Variants in PIK3C2G observed in about 807,000 individuals in gnomAD.
The protein encoded by PIK3C2G is phosphatidylinositol 3-kinase C2 domain-containing subunit gamma.
Under a neutral mutation model 181.1 loss-of-function variants are expected in PIK3C2G, and 168 were observed. The observed-to-expected ratio is 0.93, with a 90% CI of 0.82 to 1.05. The LOEUF is 1.05. Among genes scored for constraint, PIK3C2G ranks in the 50% least tolerant of loss-of-function variants. The pLI, the probability that PIK3C2G is intolerant of heterozygous loss-of-function variation, is 0.00. For missense variants in PIK3C2G, 1,869 were observed against 1,732.8 expected, an observed-to-expected ratio of 1.08 and a Z score of -1.40; for synonymous variants, 573 against 592.2, an observed-to-expected ratio of 0.97 and a Z score of 0.47.
rs767256050 is a variant in PIK3C2G, at chr12:18,291,022, C to T, written c.919+10C>T. 5 of 1,566,656 alleles carry T rather than the reference C, an allele frequency of 3.2e-6. No individual in the cohort carries two copies. Among genetic ancestry groups the T allele is most frequent in the South Asian group, 2.2e-5 (2 of 88,910 alleles). On this transcript the variant is annotated intron_variant, in intron 4 of 32. Transcript: ENST00000538779. ...CATTTTATGCCATGTGGTAAGCAAC[C>T]TTGCAAATAAGTCTACAAATCTATA...
At chr12:18,694,948 T>C in the PIK3C2G span, 2 of 1,603,866 alleles carry the variant, frequency 1.2e-6, no homozygotes, top group Non-Finnish European at 1.7e-6. Context: ...TCTTTTATGT[T>C]ACTTGGGTTA....
intron 24 of PIK3C2G, among the ~76,000 whole-genome samples, chr12:18,533,755 T>C (rs1943684388): frequency 6.6e-6 from 1 of 152,044 alleles, no homozygotes; most frequent in Admixed American, 6.6e-5. Flanking sequence ...TTAGATTCAA[T>C]TCACCTAACA....
chr12:18,565,960 A>G (rs961161989), intron 28 of PIK3C2G, among the ~76,000 whole-genome samples: 5 of 152,210 alleles, frequency 3.3e-5, no homozygotes, highest in Middle Eastern at 3.2e-3. Flanking sequence ...CTACCTATCT[A>G]TCTATCTTCT....
At chr12:18,717,225 A>AT in the PIK3C2G span, among the ~76,000 whole-genome samples, 5 of 152,190 alleles carry the variant, frequency 3.3e-5, no homozygotes, top group African/African-American at 1.2e-4. Context: ...TAATATTTAT[A>AT]TTTTCTCTCT....
At chr12:18,549,690 G>C (rs188493108) in intron 26 of PIK3C2G, among the ~76,000 whole-genome samples, 1 of 151,998 alleles carries the variant, frequency 6.6e-6, no homozygotes, top group African/African-American at 2.4e-5. Flanking sequence ...ATATTCTCCA[G>C]CCTTTCTCAG....
At chr12:18,558,330 T>C (rs1352945003) in intron 26 of PIK3C2G, among the ~76,000 whole-genome samples, 1 of 152,182 alleles carries the variant, frequency 6.6e-6, no homozygotes, top group Admixed American at 6.6e-5. Context: ...CATTTAAAAA[T>C]ATGATTTAAT....
chr12:18,380,164 G>C (rs887663047), intron 13 of PIK3C2G, among the ~76,000 whole-genome samples: 5 of 152,112 alleles, frequency 3.3e-5, no homozygotes, highest in African/African-American at 1.2e-4. Context: ...CAAAGCAGAG[G>C]AGAGGCAAAC....
intron 16 of PIK3C2G, among the ~76,000 whole-genome samples, chr12:18,418,794 A>G (rs1053427726): frequency 1.3e-5 from 2 of 152,148 alleles, no homozygotes; most frequent in Non-Finnish European, 2.9e-5. Flanking sequence ...GCCTGCCCTC[A>G]ATGATGTATA....
chr12:18,656,265 C>A, the PIK3C2G span, among the ~76,000 whole-genome samples: 5 of 151,918 alleles, frequency 3.3e-5, no homozygotes, highest in African/African-American at 1.2e-4. Flanking sequence ...CCTGTCTATA[C>A]CAAAAAAGCA....
Position 18,282,053 on chromosome 12 carries a change from T to A in PIK3C2G, c.-29T>A. The A allele has an allele frequency of 1.5e-6, 2 of 1,340,688 alleles. No homozygotes were observed. Among genetic ancestry groups the A allele is most frequent in the East Asian group, 2.4e-5 (1 of 41,012 alleles). The allele number at this position is 1,340,688 out of a possible 1,614,324, so 83.0% of individuals were successfully genotyped here. On this transcript the variant is annotated 5_prime_UTR_variant, in exon 2 of 33. Coordinates refer to ENST00000538779, the MANE Select transcript of PIK3C2G (RefSeq NM_001288772.2). The stretch of plus-strand genomic sequence containing the variant: ...TATCAAGGAGATATTTGGAGCAGAG[T>A]CAACCCTCTCAGTTACATAAAATAA...
intron 26 of PIK3C2G, among the ~76,000 whole-genome samples, chr12:18,546,808 C>T (rs1944454468): frequency 6.6e-6 from 1 of 151,934 alleles, no homozygotes; most frequent in African/African-American, 2.4e-5. Flanking sequence ...CTATGTAAGA[C>T]AATACAAATA....
intron 16 of PIK3C2G, among the ~76,000 whole-genome samples, chr12:18,413,022 AC>A (rs1944959872): frequency 6.6e-6 from 1 of 152,122 alleles, no homozygotes; most frequent in African/African-American, 2.4e-5. Context: ...CTTTAATTAT[AC>A]CTTTTCCACC....
chr12:18,708,570 T>C, the PIK3C2G span, among the ~76,000 whole-genome samples: 25 of 152,182 alleles, frequency 1.6e-4, no homozygotes, highest in Admixed American at 4.6e-4. Context: ...TTTTTATTTC[T>C]TTAGAAACCT....
the PIK3C2G span, chr12:18,683,559 G>A: frequency 2.0e-6 from 3 of 1,485,418 alleles, no homozygotes; most frequent in Non-Finnish European, 2.7e-6. Context: ...CTTCCGCAAA[G>A]CGCTGCATGA....
intron 11 of PIK3C2G, among the ~76,000 whole-genome samples, chr12:18,361,420 G>A (rs1025515726): frequency 6.6e-6 from 1 of 151,284 alleles, no homozygotes; most frequent in East Asian, 1.9e-4. Flanking sequence ...TGTTTCTTTA[G>A]CTAGGTCATG....
At chr12:18,671,967 T>C in the PIK3C2G span, among the ~76,000 whole-genome samples, 1 of 152,146 alleles carries the variant, frequency 6.6e-6, no homozygotes, top group Non-Finnish European at 1.5e-5. Flanking sequence ...AGGGCTCTTT[T>C]ATCAGGACAC....
the PIK3C2G span, among the ~76,000 whole-genome samples, chr12:18,692,494 T>G: frequency 1.3e-5 from 2 of 152,160 alleles, no homozygotes; most frequent in East Asian, 3.9e-4. Context: ...CTTAGACAAC[T>G]GCTTTTATGC....
intron 6 of PIK3C2G, among the ~76,000 whole-genome samples, chr12:18,315,891 A>G (rs1445805365): frequency 1.4e-5 from 2 of 140,192 alleles, no homozygotes; most frequent in East Asian, 4.1e-4. Flanking sequence ...TCATGCATCC[A>G]CGTGTGTGTG....
intron 18 of PIK3C2G, among the ~76,000 whole-genome samples, chr12:18,480,059 AAGG>A (rs1299088299): frequency 6.6e-6 from 1 of 152,110 alleles, no homozygotes; most frequent in Non-Finnish European, 1.5e-5. Context: ...GTTTTTGACA[AAGG>A]AGAAGTGGCT....
Sources: allele counts gnomAD v4.1 joint callset (sites outside exome capture counted in the v4.1 genomes callset), GRCh38; gene constraint gnomAD v4.1.1; transcripts MANE v1.5; gene names NCBI Gene and HGNC (gene_info 2026-07-23, HGNC 2026-07-21).